The following MMP13 variants were observed in gnomAD, a reference collection of about 807,000 sequenced individuals.
MMP13 encodes matrix metallopeptidase 13.
Under a neutral mutation model 52.1 loss-of-function variants are expected in MMP13, and 45 were observed. The observed-to-expected ratio is 0.86, with a 90% CI of 0.68 to 1.11. The LOEUF is 1.11. MMP13 is among the 50% of genes least tolerant of loss of function. The probability of loss-of-function intolerance (pLI) is 0.00; values close to 1 mark genes in which losing one functional copy is unlikely to be tolerated. For missense variants in MMP13, 576 were observed against 583.8 expected, an observed-to-expected ratio of 0.99 and a Z score of 0.14; for synonymous variants, 200 against 204.4, an observed-to-expected ratio of 0.98 and a Z score of 0.18.
In MMP13 at chr11:102,954,322, G is replaced by T. The variant is rs760029158; in HGVS notation, c.512-41C>A. ...AGGGTTAGGAGTCTTATCACATCCA[G>T]GAGTACTTAGCACAGGTGTTTGGTA... On this transcript the variant is annotated intron_variant, in intron 3 of 9. Transcript: ENST00000260302. 5 of 1,613,228 alleles carry T rather than the reference G, an allele frequency of 3.1e-6. No individual in the cohort carries two copies. The South Asian group carries it at 5.5e-5, about 18-fold the overall frequency.
chr11:102,945,676 C>G lies in MMP13; in HGVS notation c.1285G>C (p.Asp429His). 2 of 1,602,304 alleles carry G rather than the reference C, an allele frequency of 1.2e-6. No individual in the cohort carries two copies. Among genetic ancestry groups the G allele is most frequent in the Non-Finnish European group, 1.7e-6 (2 of 1,170,186 alleles). The change falls in exon 9 of 10, where the codon GAT becomes CAT. Residue 429 changes from aspartate to histidine, a missense_variant. By Grantham distance (81) the Asp-to-His change is moderately conservative. Transcript: ENST00000260302. The stretch of plus-strand genomic sequence containing the variant: ...TTCTCATAGACAGCATCTACTTTAT[C>G]ACCAATTCCTGGGAAGTCTTCTTCT... ...LIEEDFPGIG[D>H]KVDAVYEKNG... is the part of the protein sequence containing the mutation.
At chr11:102,945,592 T>C in intron 9 of MMP13, 54 bp downstream of exon 9, 1 of 1,100,424 alleles carries the variant, frequency 9.1e-7, no homozygotes, top group Non-Finnish European at 1.4e-6. Flanking sequence ...CAGAAAAGAG[T>C]TTTGAGGGGC....
chr11:102,948,809 G>GCTTC (rs1860558892), intron 7 of MMP13, among the ~76,000 whole-genome samples: 1 of 152,124 alleles, frequency 6.6e-6, no homozygotes. Flanking sequence ...AGAAAGAGTG[G>GCTTC]ATATGACAAG....
chr11:102,945,299 G>T, intron 9 of MMP13: 2 of 1,016,444 alleles, frequency 2.0e-6, no homozygotes, highest in South Asian at 2.3e-5. Flanking sequence ...ATATAGTTAA[G>T]GTAGTTATGA....
At chr11:102,954,693 C>A in intron 2 of MMP13, 87 bp from the exon 3 acceptor site, 1 of 1,225,762 alleles carries the variant, frequency 8.2e-7, no homozygotes. Context: ...CTTTTCAATT[C>A]AAAATGCAAT....
At position 102,949,012 on chromosome 11, in the gene MMP13, G is replaced by A. The variant is rs375347249; in HGVS notation, c.1051+13C>T. The A allele has an allele frequency of 6.5e-5, 105 of 1,613,416 alleles. No homozygotes were observed. Among genetic ancestry groups the A allele is most frequent in the Non-Finnish European group, 8.4e-5 (99 of 1,179,632 alleles). On this transcript the variant is annotated intron_variant, in intron 7 of 9. Transcript: ENST00000260302. The surrounding 1 kb of genome is among the most constrained non-coding windows in gnomAD (Gnocchi z 4.2). ...CCTGGTCTTGTGTGAGGACTCCTCT[G>A]TGGAAAGCTTACCTCTGAAGATGAA... is the stretch of plus-strand genomic sequence containing the variant.
chr11:102,946,555 G>A (rs138033517), intron 8 of MMP13, among the ~76,000 whole-genome samples: 214 of 152,310 alleles, frequency 1.4e-3, no homozygotes, highest in Non-Finnish European at 2.5e-3. Flanking sequence ...CCTGAATGGG[G>A]AAATCAAAAG....
In MMP13 at chr11:102,943,166, G is replaced by A. The variant is rs1390830850; in HGVS notation, c.*1100C>T. 6.6e-6 allele frequency: 1 copy of A among 151,918 alleles called. No individual in the cohort carries two copies. The highest frequency in any genetic ancestry group is 2.4e-5 in the African/African-American group (1 of 41,330). The allele number at this position is 151,918 out of a possible 1,614,324, so 9.4% of individuals were successfully genotyped here. A position where few individuals can be genotyped will look rare whatever the true frequency, so the allele number is the denominator to read the frequency against. Reference sequence around the variant, plus strand: ...AATAAGTGCCAAGCACCCTCCCCAAGTATCAATAGGCACTGTGGGAAGTGC... The same window carrying A: ...AATAAGTGCCAAGCACCCTCCCCAAATATCAATAGGCACTGTGGGAAGTGC... On this transcript the variant is annotated 3_prime_UTR_variant, in exon 10 of 10. Transcript: ENST00000260302.
At chr11:102,951,121 A>C (rs948380157) in intron 5 of MMP13, among the ~76,000 whole-genome samples, 7 of 152,014 alleles carry the variant, frequency 4.6e-5, no homozygotes, top group African/African-American at 1.7e-4. Flanking sequence ...AAGTTTAATA[A>C]TTTTGTAAAT....
In MMP13 at chr11:102,955,658, A is replaced by G. The variant is rs1860687835; in HGVS notation, c.48T>C (p.His16=). 4.3e-6 allele frequency: 7 copies of G among 1,613,980 alleles called. No homozygotes were observed. In the South Asian group the frequency reaches 5.5e-5, roughly 13 times the overall value. The part of the protein sequence containing the change: ...LAAFLFLSWT[H]CRALPLPSGG... ...CACTGGGAAGGGGCAGGGCCCGACA[A>G]TGAGTCCAGCTCAAGAAGAGGAAGG... Residue 16 remains histidine (H), a synonymous_variant, in exon 1 of 10, where the codon CAT becomes CAC. Transcript: ENST00000260302. This position sits in a 1 kb window ranked among gnomAD's most constrained non-coding sequence, Gnocchi z 4.9.
At chr11:102,951,971 C>T in intron 5 of MMP13, 41 bp downstream of exon 5, 1 of 1,599,910 alleles carries the variant, frequency 6.3e-7, no homozygotes, top group South Asian at 1.1e-5. Flanking sequence ...GTTTCTTCTG[C>T]TTTTATAACT....
In MMP13 at chr11:102,947,772, A is replaced by T. The variant is rs546841259; in HGVS notation, c.1211+119T>A. 2.3e-5 allele frequency: 28 copies of T among 1,203,182 alleles called. No individual in the cohort carries two copies. In the African/African-American group the frequency reaches 4.0e-4, roughly 17 times the overall value. The allele number at this position is 1,203,182 out of a possible 1,614,324, so 74.5% of individuals were successfully genotyped here. A position where few individuals can be genotyped will look rare whatever the true frequency, so the allele number is the denominator to read the frequency against. Reference sequence around the variant, plus strand: ...TGCCTGAAAGAGCTGACATGGAATGAAAATGAATGACTAGTATGACATTTA... The same window carrying T: ...TGCCTGAAAGAGCTGACATGGAATGTAAATGAATGACTAGTATGACATTTA... On this transcript the variant is annotated intron_variant, in intron 8 of 9. Coordinates refer to ENST00000260302, the MANE Select transcript of MMP13 (RefSeq NM_002427.4).
intron 8 of MMP13, among the ~76,000 whole-genome samples, chr11:102,946,950 T>G (rs1221179464): frequency 7.9e-5 from 12 of 152,182 alleles, no homozygotes; most frequent in Non-Finnish European, 1.5e-5. Flanking sequence ...ACATTTAGAA[T>G]GTAGGGTACT....
chr11:102,943,474 C>G lies in MMP13; in HGVS notation c.*792G>C, dbSNP rs1555016261. ...AATTTATGAAAAAGGGATGCCATGG[C>G]CTTAGACTATTTTGATAACAATTTT... On this transcript the variant is annotated 3_prime_UTR_variant, in exon 10 of 10. Transcript: ENST00000260302. 1 of 152,062 alleles carries G rather than the reference C, an allele frequency of 6.6e-6. No individual in the cohort carries two copies. The highest frequency in any genetic ancestry group is 2.4e-5 in the African/African-American group (1 of 41,412). The allele number at this position is 152,062 out of a possible 1,614,324, so 9.4% of individuals were successfully genotyped here. A position where few individuals can be genotyped will look rare whatever the true frequency, so the allele number is the denominator to read the frequency against.
Position 102,955,676 on chromosome 11 carries a change from G to C in MMP13, c.30C>G (p.Leu10=), listed in dbSNP as rs868134896. 1 of 1,613,956 alleles carries C rather than the reference G, an allele frequency of 6.2e-7. No individual in the cohort carries two copies. The highest frequency in any genetic ancestry group is 2.2e-5 in the East Asian group (1 of 44,878). MHPGVLAAF[L]FLSWTHCRAL... is the part of the protein sequence containing the mutation. Reference sequence around the variant, plus strand: ...CCCGACAATGAGTCCAGCTCAAGAAGAGGAAGGCAGCCAGGACCCCTGGAT... The same window carrying C: ...CCCGACAATGAGTCCAGCTCAAGAACAGGAAGGCAGCCAGGACCCCTGGAT... The change falls in exon 1 of 10, where the codon CTC becomes CTG. Residue 10 remains leucine, a synonymous_variant. Coordinates refer to ENST00000260302, the MANE Select transcript of MMP13 (RefSeq NM_002427.4). The surrounding 1 kb of genome is among the most constrained non-coding windows in gnomAD (Gnocchi z 4.9).
intron 7 of MMP13, among the ~76,000 whole-genome samples, chr11:102,948,403 A>G (rs902408367): frequency 6.6e-6 from 1 of 152,138 alleles, no homozygotes; most frequent in Non-Finnish European, 1.5e-5. Flanking sequence ...GAAAACTCAA[A>G]CGTTACACCA....
At chr11:102,946,130 CACTT>C (rs1380856378) in intron 8 of MMP13, among the ~76,000 whole-genome samples, 3 of 152,204 alleles carry the variant, frequency 2.0e-5, no homozygotes, top group African/African-American at 2.4e-5. Context: ...CACTTACTTG[CACTT>C]ACTTAGTGTA....
chr11:102,947,163 C>G (rs1555016743), intron 8 of MMP13, among the ~76,000 whole-genome samples: 1 of 152,182 alleles, frequency 6.6e-6, no homozygotes, highest in East Asian at 1.9e-4. Context: ...GATAGGAGGG[C>G]CTTCTCTAAA....
In MMP13 at chr11:102,949,133, G is replaced by A. The variant is rs1171580921; in HGVS notation, c.943C>T (p.Gln315Ter). 2 of 1,613,594 alleles carry A rather than the reference G, an allele frequency of 1.2e-6. No homozygotes were observed. Among genetic ancestry groups the A allele is most frequent in the African/African-American group, 2.7e-5 (2 of 74,876 alleles). ...GTTAAAAACAGCTCCGCATCAACCT[G>A]CTGAGGATGCAGGCGCCAGAAGAAT... ...DRFFWRLHPQ[Q>*]VDAELFLTKS... The change falls in exon 7 of 10, where the codon CAG (glutamine) becomes TAG (stop). Residue 315 changes from glutamine (Q) to a stop codon, truncating the protein, a stop_gained. Transcript: ENST00000260302. LOFTEE classifies it high-confidence loss of function. This position sits in a 1 kb window ranked among gnomAD's most constrained non-coding sequence, Gnocchi z 4.2.
Sources: allele counts gnomAD v4.1 joint callset (sites outside exome capture counted in the v4.1 genomes callset), GRCh38; gene constraint gnomAD v4.1.1; non-coding constraint Gnocchi (gnomAD v3.1); transcripts MANE v1.5; gene names NCBI Gene and HGNC (gene_info 2026-07-23, HGNC 2026-07-21).